Variants in CNGA3 observed in about 807,000 individuals in gnomAD.
The protein encoded by CNGA3 is cyclic nucleotide gated channel subunit alpha 3, also known as cyclic nucleotide-gated channel alpha-3.
CNGA3 carries 42 observed loss-of-function variants against 46.6 expected under a neutral mutation model. The ratio of observed to expected loss-of-function variants is 0.90; its 90% CI spans 0.70 to 1.17. CNGA3 has a LOEUF of 1.17. Ranked by LOEUF, CNGA3 falls within the 50% of genes most tolerant of loss-of-function variation. The pLI is 0.00. For synonymous variants in CNGA3, 394 were observed against 369.4 expected (o/e 1.07, Z -0.76); for missense variants, 893 against 890.7 (o/e 1.00, Z -0.03).
intron 3 of CNGA3, 197 bp downstream of exon 3, chr2:98,377,997 A>G: frequency 6.6e-7 from 1 of 1,517,670 alleles, no homozygotes; most frequent in Non-Finnish European, 8.9e-7. Flanking sequence ...AGAAAAGTCT[A>G]AGGAAAACTG....
chr2:98,389,385 G>C (rs1412129432), intron 5 of CNGA3, among the ~76,000 whole-genome samples: 1 of 152,194 alleles, frequency 6.6e-6, no homozygotes, highest in Non-Finnish European at 1.5e-5. Flanking sequence ...GGATGTTGTC[G>C]TGGGCACATG....
At position 98,396,478 on chromosome 2, in the gene CNGA3, G is replaced by A; in HGVS notation, c.1308G>A (p.Arg436=). Residue 436 remains arginine, a synonymous_variant, in exon 8 of 8, where the codon CGG becomes CGA. Transcript: ENST00000272602. The stretch of plus-strand genomic sequence containing the variant: ...AGGTCACCAAGGACTTGGAGACGCG[G>A]GTTATCCGGTGGTTTGACTACCTGT... ...FRKVTKDLET[R]VIRWFDYLWA... 2 of 1,614,018 alleles carry A rather than the reference G, an allele frequency of 1.2e-6. No individual in the cohort carries two copies. The highest frequency in any genetic ancestry group is 1.7e-6 in the Non-Finnish European group (2 of 1,180,048).
chr2:98,385,621 C>T (rs1468027164), intron 5 of CNGA3, among the ~76,000 whole-genome samples: 1 of 152,076 alleles, frequency 6.6e-6, no homozygotes, highest in Non-Finnish European at 1.5e-5. Context: ...CATCTGTTTC[C>T]CAACTCAGTT....
chr2:98,360,800 G>T (rs1692014176), intron 1 of CNGA3, among the ~76,000 whole-genome samples: 1 of 152,096 alleles, frequency 6.6e-6, no homozygotes, highest in African/African-American at 2.4e-5. Flanking sequence ...TCTTTGGAAA[G>T]TTACATAACC....
At chr2:98,370,893 G>T (rs1327674444) in intron 2 of CNGA3, among the ~76,000 whole-genome samples, 2 of 152,146 alleles carry the variant, frequency 1.3e-5, no homozygotes, top group East Asian at 3.9e-4. Flanking sequence ...GTGCAGTAGT[G>T]CAATTAGTGC....
At chr2:98,362,384 T>C (rs1156248697) in intron 1 of CNGA3, among the ~76,000 whole-genome samples, 1 of 151,954 alleles carries the variant, frequency 6.6e-6, no homozygotes, top group Non-Finnish European at 1.5e-5. Flanking sequence ...TTTCACCATA[T>C]TGGCCAGGCT....
chr2:98,373,729 G>A (rs1039816470), intron 2 of CNGA3, among the ~76,000 whole-genome samples: 6 of 152,188 alleles, frequency 3.9e-5, no homozygotes, highest in Non-Finnish European at 8.8e-5. Context: ...TATCTGTGAG[G>A]ATAAGGCAAT....
chr2:98,392,003 T>TGG, intron 7 of CNGA3, 33 bp downstream of exon 7: 3 of 1,576,816 alleles, frequency 1.9e-6, no homozygotes, highest in Non-Finnish European at 2.6e-6. Flanking sequence ...GAGGGGACCA[T>TGG]GGCCCCCACG....
chr2:98,378,190 G>T lies in CNGA3; in HGVS notation c.215+390G>T. 3 of 1,550,414 alleles carry T rather than the reference G, an allele frequency of 1.9e-6. No individual in the cohort carries two copies. The South Asian group carries it at 3.6e-5, about 18-fold the overall frequency. On this transcript the variant is annotated intron_variant, in intron 3 of 7. Transcript: ENST00000272602. ...ATGAGTCTGAAATGGCTCTGGCAGG[G>T]TCTCCCGGGTGCTCGTCTGGACCCC...
chr2:98,388,481 T>G (rs535139462), intron 5 of CNGA3, among the ~76,000 whole-genome samples: 2 of 152,058 alleles, frequency 1.3e-5, no homozygotes, highest in African/African-American at 4.8e-5. Flanking sequence ...TGCTTGGAGC[T>G]GAGGAAAAGT....
chr2:98,380,210 C>T lies in CNGA3; in HGVS notation c.251C>T (p.Ala84Val). 6.2e-7 allele frequency: 1 copy of T among 1,614,230 alleles called. No homozygotes were observed. Among genetic ancestry groups the T allele is most frequent in the East Asian group, 2.2e-5 (1 of 44,882 alleles). Residue 84 changes from alanine (A) to valine (V), a missense_variant, in exon 4 of 8, where the codon GCT becomes GTT. This residue lies in a region of CNGA3 where 333 missense variants were observed against 290.8 expected (regional missense o/e 1.15). Transcript: ENST00000272602. ...CTCATCTTCTTGCTGCGCAGGTGGG[C>T]TGCCAGGCATGTGCACCACCAGGAC... ...SRLIFLLRRW[A>V]ARHVHHQDQG... is the part of the protein sequence containing the mutation.
At chr2:98,360,476 A>G (rs952804266) in intron 1 of CNGA3, among the ~76,000 whole-genome samples, 3 of 152,216 alleles carry the variant, frequency 2.0e-5, no homozygotes, top group African/African-American at 7.2e-5. Flanking sequence ...CAGAGTCCCA[A>G]ACTTCTTTGA....
intron 1 of CNGA3, among the ~76,000 whole-genome samples, chr2:98,360,551 TAA>T (rs35328291): frequency 0.22 from 33,876 of 152,090 alleles, 4,228 homozygotes; most frequent in Admixed American, 0.36. Flanking sequence ...AGCTCTCTAA[TAA>T]AGCCCCAGCT....
chr2:98,349,365 G>C (rs1691723900), intron 1 of CNGA3, among the ~76,000 whole-genome samples: 1 of 152,214 alleles, frequency 6.6e-6, no homozygotes, highest in African/African-American at 2.4e-5. Flanking sequence ...ATTATGAAAA[G>C]TCTTGACCAT....
At chr2:98,376,650 G>C (rs1321892975) in intron 2 of CNGA3, among the ~76,000 whole-genome samples, 6 of 152,118 alleles carry the variant, frequency 3.9e-5, no homozygotes, top group African/African-American at 9.7e-5. Context: ...TCAATCACCA[G>C]GGAGAGACTG....
chr2:98,392,860 C>A (rs79824163), intron 7 of CNGA3, among the ~76,000 whole-genome samples: 3,674 of 152,300 alleles, frequency 0.024, 162 homozygotes, highest in African/African-American at 0.084. Flanking sequence ...AGGATACTCA[C>A]CCCTTCACAT....
chr2:98,365,983 GT>G (rs971455352), intron 1 of CNGA3, among the ~76,000 whole-genome samples: 11 of 152,152 alleles, frequency 7.2e-5, no homozygotes, highest in African/African-American at 2.7e-4. Flanking sequence ...AGGCACTCTG[GT>G]TTTTTGAGTT....
chr2:98,389,993 G>A (rs982603586), intron 6 of CNGA3, among the ~76,000 whole-genome samples: 1 of 152,202 alleles, frequency 6.6e-6, no homozygotes, highest in African/African-American at 2.4e-5. Flanking sequence ...GCTTCAGGTG[G>A]ACAGCCAGGG....
chr2:98,388,417 A>G (rs1411794778), intron 5 of CNGA3, among the ~76,000 whole-genome samples: 2 of 152,074 alleles, frequency 1.3e-5, no homozygotes, highest in Admixed American at 6.5e-5. Flanking sequence ...AGGGCTGGGT[A>G]TCTTGGAGCA....
Sources: gnomAD v4.1 joint callset for allele counts (sites outside exome capture counted in the v4.1 genomes callset) on GRCh38, gnomAD v4.1.1 for gene constraint, gnomAD v4.1.1 regional missense constraint, MANE v1.5 for transcripts, NCBI Gene and HGNC (gene_info 2026-07-23, HGNC 2026-07-21) for gene names.